Variants in RPS6KB1 observed in about 807,000 individuals in gnomAD.
RPS6KB1 encodes ribosomal protein S6 kinase B1.
A neutral mutation model predicts 70.2 loss-of-function variants in RPS6KB1; 12 were observed. The observed-to-expected ratio is 0.17, with a 90% confidence interval of 0.11 to 0.28. The LOEUF (loss-of-function observed/expected upper bound fraction) is 0.28. RPS6KB1 is among the 10% of genes least tolerant of loss of function. The pLI, the probability that RPS6KB1 is intolerant of heterozygous loss-of-function variation, is 1.00. For synonymous variants in RPS6KB1, 175 were observed against 211.2 expected (o/e 0.83, Z 1.49); for missense variants, 270 against 646.6 (o/e 0.42, Z 6.32).
At chr17:59,935,936 C>T (rs1485268902) in intron 10 of RPS6KB1, among the ~76,000 whole-genome samples, 2 of 151,930 alleles carry the variant, frequency 1.3e-5, no homozygotes, top group Non-Finnish European at 2.9e-5. Context: ...CTCAGTCTCC[C>T]TAGTAGCTGG....
chr17:59,929,845 C>T (rs1255923236), intron 5 of RPS6KB1, among the ~76,000 whole-genome samples: 1 of 152,108 alleles, frequency 6.6e-6, no homozygotes, highest in Non-Finnish European at 1.5e-5. Flanking sequence ...CTGGAATCTA[C>T]AGATATTTTA....
At chr17:59,908,745 A>T (rs1390773103) in intron 1 of RPS6KB1, among the ~76,000 whole-genome samples, 3 of 140,386 alleles carry the variant, frequency 2.1e-5, no homozygotes, top group Non-Finnish European at 4.6e-5. Context: ...CAGCCTCCCG[A>T]GTAGCTGGGA....
intron 1 of RPS6KB1, among the ~76,000 whole-genome samples, chr17:59,909,199 AC>A (rs1427574794): frequency 7.6e-6 from 1 of 131,414 alleles, no homozygotes; most frequent in African/African-American, 2.8e-5. Flanking sequence ...AACTGCTGGG[AC>A]CACAGGCATG....
chr17:59,904,468 A>C (rs1164015561), intron 1 of RPS6KB1, among the ~76,000 whole-genome samples: 2 of 151,102 alleles, frequency 1.3e-5, no homozygotes, highest in East Asian at 3.9e-4. Context: ...ATCTCTGCTC[A>C]CTGCAACCTC....
chr17:59,942,065 A>G (rs796453506), intron 13 of RPS6KB1, among the ~76,000 whole-genome samples: 21 of 151,892 alleles, frequency 1.4e-4, no homozygotes, highest in East Asian at 9.8e-4. Context: ...TCATCGTGTT[A>G]GCCAGGATAG....
intron 1 of RPS6KB1, among the ~76,000 whole-genome samples, chr17:59,899,412 C>T (rs2041774546): frequency 6.6e-6 from 1 of 151,994 alleles, no homozygotes; most frequent in Admixed American, 6.6e-5. Flanking sequence ...TAGGTCTGGC[C>T]AGCTTAGGAA....
intron 1 of RPS6KB1, chr17:59,907,340 G>A (rs535448821): frequency 6.6e-6 from 1 of 152,116 alleles, no homozygotes; most frequent in Admixed American, 6.6e-5. Flanking sequence ...GGATCAGCTT[G>A]TCAATTTCTG....
At chr17:59,923,995 G>A (rs542210332) in intron 4 of RPS6KB1, among the ~76,000 whole-genome samples, 1 of 152,098 alleles carries the variant, frequency 6.6e-6, no homozygotes, top group Non-Finnish European at 1.5e-5. Context: ...TTTTTTGTGT[G>A]CTTACATATA....
chr17:59,926,118 C>T (rs1202876961), intron 4 of RPS6KB1, among the ~76,000 whole-genome samples: 1 of 152,156 alleles, frequency 6.6e-6, no homozygotes, highest in East Asian at 1.9e-4. Context: ...TTCTATTCTG[C>T]TTTCTTGGCA....
chr17:59,911,414 G>A (rs945578295), intron 2 of RPS6KB1, among the ~76,000 whole-genome samples: 2 of 152,000 alleles, frequency 1.3e-5, no homozygotes, highest in Non-Finnish European at 2.9e-5. Context: ...AGGCTGGAGT[G>A]CAGTGGCACA....
chr17:59,915,285 G>A (rs553759918), intron 4 of RPS6KB1, among the ~76,000 whole-genome samples: 4 of 151,660 alleles, frequency 2.6e-5, no homozygotes, highest in South Asian at 4.2e-4. Context: ...CACCGCACCC[G>A]GCAAAAAATG....
intron 5 of RPS6KB1, among the ~76,000 whole-genome samples, chr17:59,927,441 C>A (rs1003509397): frequency 1.3e-5 from 2 of 151,878 alleles, no homozygotes; most frequent in Non-Finnish European, 2.9e-5. Flanking sequence ...TTTGCAGTAA[C>A]GTGTAACATG....
intron 13 of RPS6KB1, 41 bp from the exon 14 acceptor site, chr17:59,945,365 G>C: frequency 9.1e-7 from 1 of 1,101,688 alleles, no homozygotes. Context: ...TGAGATACAT[G>C]ACAAAATGCC....
At chr17:59,922,062 A>G (rs2043297293) in intron 4 of RPS6KB1, among the ~76,000 whole-genome samples, 1 of 142,438 alleles carries the variant, frequency 7.0e-6, no homozygotes, top group Admixed American at 7.2e-5. Context: ...TTTTTTTGAG[A>G]AGCAGTCTCA....
At chr17:59,944,704 C>G (rs1334436808) in intron 13 of RPS6KB1, among the ~76,000 whole-genome samples, 3 of 151,668 alleles carry the variant, frequency 2.0e-5, no homozygotes, top group Non-Finnish European at 4.4e-5. Context: ...TTATAAGAAA[C>G]TGTTTTAGGG....
intron 1 of RPS6KB1, among the ~76,000 whole-genome samples, chr17:59,905,048 G>C (rs1203813458): frequency 6.6e-6 from 1 of 151,912 alleles, no homozygotes; most frequent in Non-Finnish European, 1.5e-5. Flanking sequence ...TTGAGACAGG[G>C]TCTCAGTCTG....
In RPS6KB1 at chr17:59,893,902, G is replaced by A; in HGVS notation, c.141+577G>A. ...TTTATTTCGGGAGCAAGGGGGCTCTGCTGCATCTTCCAATCTTCCAGGGTT... is the reference window on the plus strand; with the variant it reads ...TTTATTTCGGGAGCAAGGGGGCTCTACTGCATCTTCCAATCTTCCAGGGTT... On this transcript the variant is annotated intron_variant, in intron 1 of 14. Transcript: ENST00000225577. This position sits in a 1 kb window ranked among gnomAD's most constrained non-coding sequence, Gnocchi z 4.1. The A allele has an allele frequency of 7.1e-6, 7 of 984,644 alleles. No individual in the cohort carries two copies. The highest frequency in any genetic ancestry group is 8.4e-6 in the Non-Finnish European group (7 of 829,852). The allele number at this position is 984,644 out of a possible 1,614,324, so 61.0% of individuals were successfully genotyped here. A position where few individuals can be genotyped will look rare whatever the true frequency, so the allele number is the denominator to read the frequency against.
intron 12 of RPS6KB1, among the ~76,000 whole-genome samples, chr17:59,940,237 A>C (rs113698793): frequency 0.13 from 19,237 of 148,654 alleles, 1,458 homozygotes; most frequent in Middle Eastern, 0.23. Flanking sequence ...AATTGATATT[A>C]ACATTTTTTC....
intron 7 of RPS6KB1, among the ~76,000 whole-genome samples, chr17:59,932,326 C>T (rs1012115879): frequency 1.3e-5 from 2 of 151,712 alleles, no homozygotes; most frequent in African/African-American, 2.4e-5. Flanking sequence ...GTGGGAGAAT[C>T]GCCTGAACCC....
Sources: gnomAD v4.1 joint callset for allele counts (sites outside exome capture counted in the v4.1 genomes callset) on GRCh38, gnomAD v4.1.1 for gene constraint, Gnocchi (gnomAD v3.1) non-coding constraint, MANE v1.5 for transcripts, NCBI Gene and HGNC (gene_info 2026-07-23, HGNC 2026-07-21) for gene names.